The following ADCY8 variants were observed in gnomAD, a reference collection of about 807,000 sequenced individuals.
ADCY8 encodes adenylate cyclase type 8.
Under a neutral mutation model 119.7 loss-of-function variants are expected in ADCY8, and 51 were observed. The ratio of observed to expected loss-of-function variants is 0.43; its 90% CI spans 0.34 to 0.54. The LOEUF (loss-of-function observed/expected upper bound fraction) is 0.54, where lower values mean the gene tolerates loss of function less well. Among genes scored for constraint, ADCY8 ranks in the 20% least tolerant of loss-of-function variants. The pLI, the probability that ADCY8 is intolerant of heterozygous loss-of-function variation, is 0.03. For synonymous variants in ADCY8, 665 were observed against 651.0 expected (o/e 1.02, Z -0.33); for missense variants, 1,383 against 1,598.8 (o/e 0.87, Z 2.30).
chr8:130,968,529 A>C lies in ADCY8; in HGVS notation c.1111-16531T>G, dbSNP rs73348547. Among the ~76,000 whole-genome samples the C allele has an allele frequency of 1.9e-3, 296 of 152,296 alleles. 1 individual carries two copies. Among genetic ancestry groups the C allele is most frequent in the African/African-American group, 7.1e-3 (294 of 41,552 alleles). On this transcript the variant is annotated intron_variant, in intron 2 of 17. Transcript: ENST00000286355. ...GCAGTTTTAAACAATGGCAGTGAAA[A>C]AAACAGTCTTTGCTCCCAGGTGACT...
intron 15 of ADCY8, among the ~76,000 whole-genome samples, chr8:130,800,076 T>C (rs16904363): frequency 0.17 from 26,520 of 152,200 alleles, 2,657 homozygotes; most frequent in Non-Finnish European, 0.22. Context: ...GATGGAGCAA[T>C]GCCTGCTTCA....
chr8:130,902,544 A>T (rs1160234504), intron 7 of ADCY8, among the ~76,000 whole-genome samples: 5 of 152,188 alleles, frequency 3.3e-5, no homozygotes, highest in African/African-American at 1.2e-4. Context: ...ATTTTCTCAT[A>T]GTTTTTCCCC....
At chr8:131,029,960 C>T (rs1365392302) in intron 1 of ADCY8, among the ~76,000 whole-genome samples, 1 of 152,096 alleles carries the variant, frequency 6.6e-6, no homozygotes, top group East Asian at 1.9e-4. Flanking sequence ...CATCCATGTG[C>T]CAGATGCTAT....
rs532949845 is a variant in ADCY8 at position 130,801,766 on chromosome 8, A to G, written c.2914-1194T>C. On this transcript the variant is annotated intron_variant, in intron 14 of 17. Coordinates refer to ENST00000286355, the MANE Select transcript of ADCY8 (RefSeq NM_001115.3). Reference sequence around the variant, plus strand: ...TCAAAGTGGAAAAATCAATGCACACATGTAAGTTTATATCCTGCTGGACAC... The same window carrying G: ...TCAAAGTGGAAAAATCAATGCACACGTGTAAGTTTATATCCTGCTGGACAC... Among the ~76,000 whole-genome samples the G allele has an allele frequency of 1.8e-4, 28 of 152,316 alleles. No homozygotes were observed. The South Asian group carries it at 5.4e-3, about 29-fold the overall frequency.
At chr8:130,834,292 C>T (rs1364302231) in intron 12 of ADCY8, among the ~76,000 whole-genome samples, 4 of 151,936 alleles carry the variant, frequency 2.6e-5, no homozygotes, top group Non-Finnish European at 5.9e-5. Context: ...CCCAAATAGC[C>T]AACAAATAAA....
intron 2 of ADCY8, among the ~76,000 whole-genome samples, chr8:130,982,709 C>A (rs1415262209): frequency 6.6e-6 from 1 of 151,034 alleles, no homozygotes; most frequent in East Asian, 1.9e-4. Flanking sequence ...AAAAAATTAG[C>A]CAGAAACAGT....
intron 8 of ADCY8, among the ~76,000 whole-genome samples, chr8:130,872,985 G>T (rs1818421515): frequency 1.3e-5 from 2 of 152,170 alleles, no homozygotes; most frequent in South Asian, 4.1e-4. Flanking sequence ...AGGGTCAATG[G>T]GTTTTTAGAT....
intron 16 of ADCY8, 78 bp from the exon 17 acceptor site, chr8:130,783,883 A>G: frequency 8.5e-7 from 1 of 1,172,248 alleles, no homozygotes; most frequent in Non-Finnish European, 1.2e-6. Context: ...CAGGGGCTTT[A>G]CGTCCTAACC....
Position 130,904,421 on chromosome 8 carries a change from T to C in ADCY8, c.1641-379A>G, listed in dbSNP as rs899037415. Reference sequence around the variant, plus strand: ...GAAAAACAAGTGCTGCAAATGTTTCTGAACCCCAGTGGCAATCATTATCCA... The same window carrying C: ...GAAAAACAAGTGCTGCAAATGTTTCCGAACCCCAGTGGCAATCATTATCCA... On this transcript the variant is annotated intron_variant, in intron 6 of 17. Coordinates refer to ENST00000286355, the MANE Select transcript of ADCY8 (RefSeq NM_001115.3). Among the ~76,000 whole-genome samples the C allele has an allele frequency of 5.3e-5, 8 of 152,254 alleles. No individual in the cohort carries two copies. In the East Asian group the frequency reaches 1.5e-3, roughly 29 times the overall value.
At chr8:130,873,827 A>AGATTATTTTCT (rs1358379765) in intron 8 of ADCY8, among the ~76,000 whole-genome samples, 7 of 152,078 alleles carry the variant, frequency 4.6e-5, no homozygotes, top group Non-Finnish European at 1.0e-4. Flanking sequence ...TTTTGGATAA[A>AGATTATTTTCT]TTTAGTTTGA....
intron 7 of ADCY8, among the ~76,000 whole-genome samples, chr8:130,899,790 T>C (rs1414270631): frequency 6.6e-6 from 1 of 152,200 alleles, no homozygotes; most frequent in Non-Finnish European, 1.5e-5. Context: ...ATAACCTTTA[T>C]GATAAGGATC....
At chr8:130,919,616 T>C (rs1258273514) in intron 5 of ADCY8, among the ~76,000 whole-genome samples, 1 of 152,208 alleles carries the variant, frequency 6.6e-6, no homozygotes, top group Non-Finnish European at 1.5e-5. Context: ...AGCTTCCAAC[T>C]TGAGGTCAAC....
intron 2 of ADCY8, among the ~76,000 whole-genome samples, chr8:130,980,368 C>T (rs939742178): frequency 6.6e-6 from 1 of 152,066 alleles, no homozygotes; most frequent in Non-Finnish European, 1.5e-5. Context: ...GATGACCTAA[C>T]TAGTTTTAGA....
rs575592853 is a variant in ADCY8 at position 130,853,782 on chromosome 8, T to G, written c.2211-3979A>C. Among the ~76,000 whole-genome samples the G allele has an allele frequency of 2.6e-5, 4 of 152,222 alleles. No individual in the cohort carries two copies. In the South Asian group the frequency reaches 6.2e-4, roughly 24 times the overall value. On this transcript the variant is annotated intron_variant, in intron 9 of 17. Coordinates refer to ENST00000286355, the MANE Select transcript of ADCY8 (RefSeq NM_001115.3). ...GTGAAAGACAGGCCATGTGGTCCAG[T>G]GGCAAGAGCAAAGTCTTATATGTTT...
At chr8:130,866,171 G>C (rs1818114268) in intron 9 of ADCY8, among the ~76,000 whole-genome samples, 1 of 151,900 alleles carries the variant, frequency 6.6e-6, no homozygotes, top group Non-Finnish European at 1.5e-5. Flanking sequence ...GAGGTTTTTG[G>C]TTTTGCTATC....
At chr8:130,867,969 TG>T (rs1563701789) in intron 8 of ADCY8, 23 bp from the exon 9 acceptor site, 7 of 1,534,350 alleles carry the variant, frequency 4.6e-6, no homozygotes, top group Non-Finnish European at 5.4e-6. Context: ...AAAGAGAGAA[TG>T]AGTTACTTTG....
chr8:130,908,903 G>A (rs1819878347), intron 6 of ADCY8, among the ~76,000 whole-genome samples: 1 of 152,214 alleles, frequency 6.6e-6, no homozygotes, highest in South Asian at 2.1e-4. Flanking sequence ...AACATAGTTT[G>A]CAAGGAGTGA....
At chr8:131,037,472 T>C (rs1439291323) in intron 1 of ADCY8, among the ~76,000 whole-genome samples, 1 of 152,234 alleles carries the variant, frequency 6.6e-6, no homozygotes, top group East Asian at 1.9e-4. Context: ...TAGGATGTGT[T>C]ATTCTAAATA....
At chr8:130,878,236 C>T (rs919354913) in intron 8 of ADCY8, among the ~76,000 whole-genome samples, 7 of 151,946 alleles carry the variant, frequency 4.6e-5, no homozygotes, top group South Asian at 2.1e-4. Context: ...TACTGGTGAG[C>T]GAAATGAGGA....
Sources: gnomAD v4.1 joint callset for allele counts (sites outside exome capture counted in the v4.1 genomes callset) on GRCh38, gnomAD v4.1.1 for gene constraint, MANE v1.5 for transcripts, NCBI Gene and HGNC (gene_info 2026-07-23, HGNC 2026-07-21) for gene names.